FRMD3: variants seen among roughly 807,000 people sequenced by gnomAD.
FRMD3 encodes the protein FERM domain-containing protein 3.
Under a neutral mutation model 70.2 loss-of-function variants are expected in FRMD3, and 33 were observed. That is an observed-to-expected ratio of 0.47 (90% confidence interval 0.36 to 0.63). The LOEUF is 0.63. Ranked by LOEUF, FRMD3 falls within the 20% of genes least tolerant of loss-of-function variation. The pLI is 0.00. For synonymous variants in FRMD3, 279 were observed against 255.9 expected, an observed-to-expected ratio of 1.09 and a Z score of -0.86; for missense variants, 632 against 711.4, an observed-to-expected ratio of 0.89 and a Z score of 1.27.
chr9:83,415,550 C>A (rs1443225243), intron 1 of FRMD3, among the ~76,000 whole-genome samples: 1 of 149,712 alleles, frequency 6.7e-6, no homozygotes, highest in East Asian at 2.0e-4. Context: ...TCACACCATA[C>A]TCCTGCTTCA....
intron 13 of FRMD3, among the ~76,000 whole-genome samples, chr9:83,273,967 G>C (rs1014880192): frequency 1.3e-5 from 2 of 151,958 alleles, no homozygotes; most frequent in African/African-American, 4.8e-5. Context: ...GTAAGTACAC[G>C]CCATCAAATT....
intron 1 of FRMD3, among the ~76,000 whole-genome samples, chr9:83,410,676 T>G (rs12685254): frequency 0.085 from 12,957 of 152,308 alleles, 626 homozygotes; most frequent in South Asian, 0.2. Flanking sequence ...GTAATGGGAT[T>G]GCTGGGTTGA....
At chr9:83,487,550 C>T (rs895103181) in intron 1 of FRMD3, among the ~76,000 whole-genome samples, 2 of 152,140 alleles carry the variant, frequency 1.3e-5, no homozygotes, top group African/African-American at 4.8e-5. Flanking sequence ...ACTTCAAATG[C>T]TACAATAGTA....
chr9:83,290,527 G>A (rs1404481887), intron 13 of FRMD3, 76 bp downstream of exon 13: 1 of 1,529,132 alleles, frequency 6.5e-7, no homozygotes, highest in Non-Finnish European at 9.1e-7. Flanking sequence ...CCCATCATAT[G>A]CAGAATTGGC....
chr9:83,533,570 A>G (rs1829831600), intron 1 of FRMD3, among the ~76,000 whole-genome samples: 1 of 152,220 alleles, frequency 6.6e-6, no homozygotes, highest in South Asian at 2.1e-4. Flanking sequence ...TAATGCTGGC[A>G]TGCTACCTTC....
chr9:83,383,331 A>G (rs1489888783), intron 2 of FRMD3, among the ~76,000 whole-genome samples: 1 of 152,244 alleles, frequency 6.6e-6, no homozygotes, highest in African/African-American at 2.4e-5. Context: ...ACTTTTGGGA[A>G]GGCTCATTAA....
At chr9:83,377,823 A>G (rs1386642057) in intron 2 of FRMD3, among the ~76,000 whole-genome samples, 2 of 152,202 alleles carry the variant, frequency 1.3e-5, no homozygotes, top group Middle Eastern at 3.2e-3. Flanking sequence ...CAATGCAGGA[A>G]CAGCCTAACA....
At chr9:83,403,977 A>T (rs141026784) in intron 1 of FRMD3, among the ~76,000 whole-genome samples, 68 of 152,200 alleles carry the variant, frequency 4.5e-4, no homozygotes, top group Non-Finnish European at 7.9e-4. Context: ...GGTTCCCAGT[A>T]GTCAGGCAAT....
chr9:83,543,314 T>C (rs1397805620), upstream of FRMD3, among the ~76,000 whole-genome samples: 3 of 151,750 alleles, frequency 2.0e-5, no homozygotes, highest in Non-Finnish European at 2.9e-5. Context: ...TGGGGTCCCA[T>C]GGAAAGGGTA....
intron 1 of FRMD3, among the ~76,000 whole-genome samples, chr9:83,475,858 G>T (rs111757138): frequency 1.3e-5 from 2 of 152,064 alleles, no homozygotes; most frequent in Non-Finnish European, 2.9e-5. Flanking sequence ...ATAAATGAGC[G>T]AAGATACATA....
At chr9:83,579,560 T>G in the FRMD3 span, among the ~76,000 whole-genome samples, 3 of 152,088 alleles carry the variant, frequency 2.0e-5, no homozygotes, top group African/African-American at 7.2e-5. Flanking sequence ...CAAATGGTGC[T>G]GGGAAAACTA....
chr9:83,429,776 G>T (rs950290772), intron 1 of FRMD3, among the ~76,000 whole-genome samples: 2 of 152,030 alleles, frequency 1.3e-5, no homozygotes, highest in African/African-American at 4.8e-5. Context: ...TCTTTATCCT[G>T]GTCCTGGGTC....
At chr9:83,573,732 G>T in the FRMD3 span, among the ~76,000 whole-genome samples, 1 of 140,598 alleles carries the variant, frequency 7.1e-6, no homozygotes, top group South Asian at 2.2e-4. Context: ...ATTAGGAAAA[G>T]AACGATTCTC....
chr9:83,551,254 T>C, the FRMD3 span, among the ~76,000 whole-genome samples: 1 of 152,222 alleles, frequency 6.6e-6, no homozygotes. Flanking sequence ...TTGCTTTAGT[T>C]CTGTTTATGT....
intron 1 of FRMD3, among the ~76,000 whole-genome samples, chr9:83,405,021 AC>A (rs1826059688): frequency 6.6e-6 from 1 of 152,180 alleles, no homozygotes; most frequent in Admixed American, 6.5e-5. Context: ...ATCTAGAAGT[AC>A]TGCTTCCTTT....
In FRMD3 at chr9:83,538,244, T is replaced by G. The variant is rs4529536; in HGVS notation, c.-13A>C. The G allele has an allele frequency of 0.44, 685,221 of 1,550,894 alleles. 155,378 individuals carry two copies. The highest frequency in any genetic ancestry group is 0.75 in the East Asian group (30,638 of 41,020). ...AGGAGGCGAACATGCACCGCGGCCG[T>G]GGGGAGCGAGCGGGAGGCTCAGGGC... is the stretch of plus-strand genomic sequence containing the variant. On this transcript the variant is annotated 5_prime_UTR_variant, in exon 1 of 14. Coordinates refer to ENST00000304195, the MANE Select transcript of FRMD3 (RefSeq NM_174938.6). The surrounding 1 kb of genome is among the most constrained non-coding windows in gnomAD (Gnocchi z 4.7).
intron 7 of FRMD3, 82 bp downstream of exon 7, chr9:83,313,578 G>T: frequency 9.2e-7 from 1 of 1,083,196 alleles, no homozygotes; most frequent in Non-Finnish European, 1.4e-6. Context: ...ATTTAACAAG[G>T]CTCTGCCAGG....
At chr9:83,249,941 C>T (rs2067584888) in intron 13 of FRMD3, among the ~76,000 whole-genome samples, 1 of 152,112 alleles carries the variant, frequency 6.6e-6, no homozygotes. Flanking sequence ...CCAGCAATAC[C>T]ACTCCCAGGT....
the FRMD3 span, among the ~76,000 whole-genome samples, chr9:83,563,912 G>C: frequency 6.6e-6 from 1 of 152,148 alleles, no homozygotes; most frequent in Non-Finnish European, 1.5e-5. Flanking sequence ...TGATTTGCTT[G>C]TATAAATTCA....
Sources: allele counts gnomAD v4.1 joint callset (sites outside exome capture counted in the v4.1 genomes callset), GRCh38; gene constraint gnomAD v4.1.1; non-coding constraint Gnocchi (gnomAD v3.1); transcripts MANE v1.5; gene names NCBI Gene and HGNC (gene_info 2026-07-23, HGNC 2026-07-21).